BACH2: variants seen among roughly 807,000 people sequenced by gnomAD.
BACH2 encodes BACH transcriptional regulator 2.
BACH2 carries 5 observed loss-of-function variants against 61.8 expected under a neutral mutation model. The observed-to-expected ratio is 0.08, with a 90% confidence interval of 0.04 to 0.17. The LOEUF (loss-of-function observed/expected upper bound fraction) is 0.17, where lower values mean the gene tolerates loss of function less well. BACH2 is among the 10% of genes least tolerant of loss of function. The probability of loss-of-function intolerance (pLI) is 1.00; values close to 1 mark genes in which losing one functional copy is unlikely to be tolerated. For synonymous variants in BACH2, 446 were observed against 440.1 expected (o/e 1.01, Z -0.17); for missense variants, 824 against 1,091.1 (o/e 0.76, Z 3.45).
rs946127835 is a variant in BACH2 at position 90,141,433 on chromosome 6, G to A, written c.-161-52324C>T. On this transcript the variant is annotated intron_variant, in intron 4 of 8. Transcript: ENST00000257749. ...TGACCTCAAGTGATCCGCCTGCCTC[G>A]GCATCCCAAAGTGCTGGGATTACAG... Among the ~76,000 whole-genome samples, 10 of 151,170 alleles carry A rather than the reference G, an allele frequency of 6.6e-5. No individual in the cohort carries two copies. The East Asian group carries it at 7.8e-4, about 12-fold the overall frequency.
At chr6:90,106,886 T>G (rs1282470385) in intron 4 of BACH2, among the ~76,000 whole-genome samples, 2 of 152,208 alleles carry the variant, frequency 1.3e-5, no homozygotes, top group East Asian at 3.8e-4. Flanking sequence ...AGAGGAAGGA[T>G]AACACCTACA....
intron 6 of BACH2, among the ~76,000 whole-genome samples, chr6:89,971,114 C>G (rs1775334771): frequency 6.6e-6 from 1 of 152,208 alleles, no homozygotes; most frequent in Non-Finnish European, 1.5e-5. Flanking sequence ...CAATTATTAA[C>G]ACTCCACAGC....
chr6:90,059,553 G>A (rs1321114080), intron 5 of BACH2, among the ~76,000 whole-genome samples: 1 of 152,186 alleles, frequency 6.6e-6, no homozygotes, highest in Non-Finnish European at 1.5e-5. Context: ...CAACCATTGT[G>A]GAAGTCAGTG....
rs201945601 is a variant in BACH2, at chr6:89,950,519, C to T, written c.1587G>A (p.Ala529=). 1.1e-4 allele frequency: 183 copies of T among 1,613,590 alleles called. No individual in the cohort carries two copies. The Middle Eastern group carries it at 3.3e-3, about 29-fold the overall frequency. The change falls in exon 7 of 9, where the codon GCG becomes GCA. Residue 529 remains alanine (A), a synonymous_variant. Transcript: ENST00000257749. The surrounding 1 kb of genome is among the most constrained non-coding windows in gnomAD (Gnocchi z 5.3). ...TSSSCSSYSY[A]EDGSGGSPCS... The stretch of plus-strand genomic sequence containing the variant: ...AGGGTGAGCCCCCGCTCCCGTCCTC[C>T]GCGTAGGAATAGGAAGAGCAGGAGC...
intron 5 of BACH2, among the ~76,000 whole-genome samples, chr6:90,014,440 G>GTGTGTGTGTGTGTATATA (rs1330299169): frequency 3.3e-4 from 16 of 48,032 alleles, no homozygotes; most frequent in Admixed American, 6.0e-4. Flanking sequence ...GTGTGTGTGT[G>GTGTGTGTGTGTGTATATA]TATATATATA....
chr6:89,966,970 G>C (rs1303357845), intron 6 of BACH2, among the ~76,000 whole-genome samples: 1 of 152,188 alleles, frequency 6.6e-6, no homozygotes, highest in Non-Finnish European at 1.5e-5. Context: ...CAAAGTGCTA[G>C]GATTATAGGC....
chr6:90,151,188 C>T (rs896607442), intron 4 of BACH2, among the ~76,000 whole-genome samples: 7 of 152,138 alleles, frequency 4.6e-5, no homozygotes, highest in African/African-American at 1.2e-4. Context: ...AAATCCTATG[C>T]GTTTTAAAAC....
At chr6:90,061,656 C>G (rs951038622) in intron 5 of BACH2, among the ~76,000 whole-genome samples, 1 of 151,644 alleles carries the variant, frequency 6.6e-6, no homozygotes, top group Non-Finnish European at 1.5e-5. Context: ...TCAGGGCACA[C>G]CAATTCAGAA....
intron 3 of BACH2, among the ~76,000 whole-genome samples, chr6:90,213,572 A>G (rs997105109): frequency 6.6e-6 from 1 of 151,876 alleles, no homozygotes; most frequent in Non-Finnish European, 1.5e-5. Context: ...TATCAACTCC[A>G]CCTCTCGGAA....
intron 4 of BACH2, among the ~76,000 whole-genome samples, chr6:90,100,940 T>C (rs1782600772): frequency 6.6e-6 from 1 of 152,168 alleles, no homozygotes; most frequent in African/African-American, 2.4e-5. Flanking sequence ...ACTTTAACCA[T>C]CCTAGTGGGG....
intron 1 of BACH2, among the ~76,000 whole-genome samples, chr6:90,295,968 C>T (rs1772353145): frequency 6.6e-6 from 1 of 152,096 alleles, no homozygotes; most frequent in Admixed American, 6.5e-5. Flanking sequence ...GCGGAGCAGC[C>T]CGGGATGCGC....
chr6:90,235,035 T>C (rs1174536872), intron 3 of BACH2, among the ~76,000 whole-genome samples: 2 of 152,228 alleles, frequency 1.3e-5, no homozygotes, highest in African/African-American at 2.4e-5. Context: ...GACCTAAAGA[T>C]AGCTCAGGTA....
chr6:90,109,324 G>A lies in BACH2; in HGVS notation c.-161-20215C>T, dbSNP rs192611214. Reference sequence around the variant, plus strand: ...CTCCATGAAACCACTTCTTCTTGTGGCTTCAGGGGCACCACACTGTCCTGG... The same window carrying A: ...CTCCATGAAACCACTTCTTCTTGTGACTTCAGGGGCACCACACTGTCCTGG... On this transcript the variant is annotated intron_variant, in intron 4 of 8. Coordinates refer to ENST00000257749, the MANE Select transcript of BACH2 (RefSeq NM_021813.4). Among the ~76,000 whole-genome samples the A allele has an allele frequency of 4.1e-4, 62 of 152,094 alleles. No individual in the cohort carries two copies. In the East Asian group the frequency reaches 9.3e-3, roughly 23 times the overall value.
At chr6:90,027,240 T>C (rs1253306051) in intron 5 of BACH2, among the ~76,000 whole-genome samples, 2 of 151,970 alleles carry the variant, frequency 1.3e-5, no homozygotes, top group Non-Finnish European at 2.9e-5. Flanking sequence ...GAAAAGGCAG[T>C]GAAAAGGAAT....
intron 5 of BACH2, among the ~76,000 whole-genome samples, chr6:90,037,102 T>G (rs1779298248): frequency 1.3e-5 from 2 of 152,090 alleles, no homozygotes; most frequent in African/African-American, 4.8e-5. Context: ...AACCATGGGA[T>G]TCATTATACT....
chr6:90,014,286 T>TC (rs1777896741), intron 5 of BACH2, among the ~76,000 whole-genome samples: 2 of 150,424 alleles, frequency 1.3e-5, no homozygotes, highest in Admixed American at 6.6e-5. Context: ...GCTTTTTTTT[T>TC]TTTTTCTTTT....
intron 3 of BACH2, among the ~76,000 whole-genome samples, chr6:90,238,996 T>C (rs1455406129): frequency 6.6e-6 from 1 of 152,190 alleles, no homozygotes; most frequent in Admixed American, 6.5e-5. Flanking sequence ...GAGTCAAAAT[T>C]GCAAAGTTAA....
chr6:90,261,168 C>G (rs1306917471), intron 2 of BACH2, among the ~76,000 whole-genome samples: 1 of 152,202 alleles, frequency 6.6e-6, no homozygotes, highest in East Asian at 1.9e-4. Flanking sequence ...TATCCACACC[C>G]AGTCTTTCCT....
intron 5 of BACH2, among the ~76,000 whole-genome samples, chr6:90,057,924 G>C (rs897931545): frequency 5.9e-5 from 9 of 152,172 alleles, no homozygotes; most frequent in South Asian, 4.1e-4. Flanking sequence ...ATTCAACAAT[G>C]CTTCATGCTA....
Sources: allele counts gnomAD v4.1 joint callset (sites outside exome capture counted in the v4.1 genomes callset), GRCh38; gene constraint gnomAD v4.1.1; non-coding constraint Gnocchi (gnomAD v3.1); transcripts MANE v1.5; gene names NCBI Gene and HGNC (gene_info 2026-07-23, HGNC 2026-07-21).